The following MIA2 variants were observed in gnomAD, a reference collection of about 807,000 sequenced individuals.
MIA2 encodes melanoma inhibitory activity protein 2.
In MIA2, 127 loss-of-function variants were observed where a neutral mutation model predicts 167.8. That is an observed-to-expected ratio of 0.76 (90% CI 0.66 to 0.88). The LOEUF (loss-of-function observed/expected upper bound fraction) is 0.88, where lower values mean the gene tolerates loss of function less well. Among genes scored for constraint, MIA2 ranks in the 40% least tolerant of loss-of-function variants. The pLI is 0.00. For missense variants in MIA2, 1,690 were observed against 1,624.7 expected (o/e 1.04, Z -0.69); for synonymous variants, 552 against 541.9 (o/e 1.02, Z -0.26).
rs773988942 is a variant in MIA2 at position 39,234,201 on chromosome 14, TA to T, written c.93del (p.Lys31AsnfsTer10). Reference sequence around the variant, plus strand: ...AGAGTACAAAACTGCTGGCAGACCTTAAAAAATGTGGTGACTTGGAATGTGA... The same window carrying T: ...AGAGTACAAAACTGCTGGCAGACCTTAAAAATGTGGTGACTTGGAATGTGA... The part of the protein sequence containing the change: ...LESTKLLADL[K>X]KCGDLECEAL... On this transcript the variant is annotated frameshift_variant, in exon 1 of 29. Transcript: ENST00000640607. LOFTEE classifies it high-confidence loss of function. The T allele has an allele frequency of 1.0e-3, 1,604 of 1,608,564 alleles. 2 individuals carry two copies. The highest frequency in any genetic ancestry group is 1.2e-3 in the Non-Finnish European group (1,462 of 1,177,798).
chr14:39,363,762 A>G (rs2074752402), intron 23 of MIA2, among the ~76,000 whole-genome samples: 1 of 152,042 alleles, frequency 6.6e-6, no homozygotes, highest in Non-Finnish European at 1.5e-5. Context: ...ATTGTTTTGT[A>G]ATGTTCTTCT....
At chr14:39,340,679 A>G (rs530796741) in intron 25 of MIA2, among the ~76,000 whole-genome samples, 33 of 152,308 alleles carry the variant, frequency 2.2e-4, no homozygotes, top group African/African-American at 7.2e-4. Flanking sequence ...GTCGTGGTAT[A>G]TATGCTTTTA....
At chr14:39,288,457 A>ATTTTTTTT (rs1566747630) in intron 9 of MIA2, among the ~76,000 whole-genome samples, 1 of 16,586 alleles carries the variant, frequency 6.0e-5, no homozygotes, top group African/African-American at 1.5e-4. Context: ...ATATATATAT[A>ATTTTTTTT]TATATATATA....
intron 6 of MIA2, among the ~76,000 whole-genome samples, chr14:39,262,689 A>C (rs952612686): frequency 6.6e-6 from 1 of 152,070 alleles, no homozygotes; most frequent in African/African-American, 2.4e-5. Context: ...CTTTTATTTC[A>C]ATGAGCAGTG....
At chr14:39,271,393 A>G (rs2057118878) in intron 6 of MIA2, among the ~76,000 whole-genome samples, 1 of 152,136 alleles carries the variant, frequency 6.6e-6, no homozygotes, top group Admixed American at 6.5e-5. Flanking sequence ...GTTTCTTTGT[A>G]GTAAGATACA....
chr14:39,369,459 T>C (rs2074890784), intron 23 of MIA2, among the ~76,000 whole-genome samples: 1 of 152,262 alleles, frequency 6.6e-6, no homozygotes, highest in Non-Finnish European at 1.5e-5. Flanking sequence ...TCATCCTTAA[T>C]TCTGTGTATA....
At chr14:39,273,484 C>G (rs1292586901) in intron 6 of MIA2, among the ~76,000 whole-genome samples, 1 of 152,104 alleles carries the variant, frequency 6.6e-6, no homozygotes, top group Non-Finnish European at 1.5e-5. Flanking sequence ...TTCTGAGTAG[C>G]TGGGACCACA....
intron 6 of MIA2, among the ~76,000 whole-genome samples, chr14:39,268,840 A>T (rs1363232115): frequency 6.6e-6 from 1 of 152,196 alleles, no homozygotes; most frequent in East Asian, 1.9e-4. Flanking sequence ...GTGAAGGGTG[A>T]GAGAGAAGGA....
intron 7 of MIA2, among the ~76,000 whole-genome samples, chr14:39,277,702 A>T (rs1178260679): frequency 1.9e-3 from 13 of 6,978 alleles, no homozygotes; most frequent in African/African-American, 0.012. Flanking sequence ...GTATATATAT[A>T]TATATATATA....
chr14:39,367,741 G>A (rs2074852809), intron 23 of MIA2, among the ~76,000 whole-genome samples: 1 of 152,096 alleles, frequency 6.6e-6, no homozygotes, highest in Non-Finnish European at 1.5e-5. Flanking sequence ...TTGGTTCTTT[G>A]TGGAGGAGGC....
chr14:39,243,774 G>A (rs2054167726), intron 3 of MIA2, among the ~76,000 whole-genome samples: 1 of 152,198 alleles, frequency 6.6e-6, no homozygotes, highest in Non-Finnish European at 1.5e-5. Context: ...GCTGAGACAG[G>A]AGAATTGCTT....
chr14:39,308,063 A>G (rs987966427), intron 17 of MIA2, among the ~76,000 whole-genome samples: 5 of 152,256 alleles, frequency 3.3e-5, no homozygotes, highest in Admixed American at 1.3e-4. Flanking sequence ...CTGTATATTT[A>G]TATTTCTTTT....
intron 27 of MIA2, 151 bp from the exon 28 acceptor site, chr14:39,348,592 C>G: frequency 8.6e-7 from 1 of 1,158,564 alleles, no homozygotes; most frequent in South Asian, 1.5e-5. Flanking sequence ...TGATACATTA[C>G]TGTGGAAAGC....
chr14:39,280,160 A>G (rs2058711641), intron 9 of MIA2, among the ~76,000 whole-genome samples: 1 of 151,906 alleles, frequency 6.6e-6, no homozygotes, highest in Admixed American at 6.6e-5. Flanking sequence ...TTCTTAAGTC[A>G]CTGAATATAT....
chr14:39,387,187 T>G (rs1426401503), exon 24 of MIA2: 1 of 439,480 alleles, frequency 2.3e-6, no homozygotes, highest in Non-Finnish European at 4.0e-6. Flanking sequence ...CCATAGATAG[T>G]ATTTCATCTG....
chr14:39,332,925 T>C (rs561707317), intron 25 of MIA2, among the ~76,000 whole-genome samples: 1 of 152,292 alleles, frequency 6.6e-6, no homozygotes, highest in African/African-American at 2.4e-5. Flanking sequence ...ACTGACTCTT[T>C]CCTTGTCATC....
At chr14:39,288,466 T>TTTGTTG (rs2060204952) in intron 9 of MIA2, among the ~76,000 whole-genome samples, 1 of 37,746 alleles carries the variant, frequency 2.6e-5, no homozygotes, top group African/African-American at 1.4e-4. Context: ...TATATATATA[T>TTTGTTG]ATATATATAT....
intron 3 of MIA2, among the ~76,000 whole-genome samples, chr14:39,246,272 T>C (rs1418407190): frequency 1.3e-5 from 2 of 151,824 alleles, no homozygotes; most frequent in East Asian, 1.9e-4. Flanking sequence ...AATTTTTGTA[T>C]TTTTTAGTAG....
intron 3 of MIA2, among the ~76,000 whole-genome samples, chr14:39,245,052 A>G (rs2054230882): frequency 6.8e-6 from 1 of 146,822 alleles, no homozygotes; most frequent in South Asian, 2.1e-4. Context: ...CACTGGGATT[A>G]CAGGCATGGG....
Sources: allele counts gnomAD v4.1 joint callset (sites outside exome capture counted in the v4.1 genomes callset), GRCh38; gene constraint gnomAD v4.1.1; transcripts MANE v1.5; gene names NCBI Gene and HGNC (gene_info 2026-07-23, HGNC 2026-07-21).